IGF1R: variants seen among roughly 807,000 people sequenced by gnomAD.
The protein encoded by IGF1R is insulin like growth factor 1 receptor.
A neutral mutation model predicts 144.6 loss-of-function variants in IGF1R; 44 were observed. That is an observed-to-expected ratio of 0.30 (90% CI 0.24 to 0.39). IGF1R has a LOEUF of 0.39. IGF1R is among the 10% of genes least tolerant of loss of function. IGF1R has a pLI of 1.00. For missense variants in IGF1R, 1,355 were observed against 1,833.7 expected (o/e 0.74, Z 4.77); for synonymous variants, 795 against 722.8 (o/e 1.10, Z -1.60).
intron 2 of IGF1R, among the ~76,000 whole-genome samples, chr15:98,816,477 A>G (rs1386733550): frequency 6.6e-6 from 1 of 152,082 alleles, no homozygotes; most frequent in Non-Finnish European, 1.5e-5. Flanking sequence ...ATCACTCCCC[A>G]TCGGCCCACC....
intron 2 of IGF1R, among the ~76,000 whole-genome samples, chr15:98,746,113 G>C (rs1201502674): frequency 6.6e-6 from 1 of 152,172 alleles, no homozygotes; most frequent in African/African-American, 2.4e-5. Flanking sequence ...GGCAAGGCAG[G>C]CTTCTTTTTT....
chr15:98,750,032 T>C (rs2054969818), intron 2 of IGF1R, among the ~76,000 whole-genome samples: 2 of 152,218 alleles, frequency 1.3e-5, no homozygotes, highest in Admixed American at 1.3e-4. Context: ...CTCTAAGGGA[T>C]ATGAAGCTGT....
chr15:98,922,511 T>C (rs1291652959), intron 11 of IGF1R, 80 bp downstream of exon 11: 2 of 1,532,724 alleles, frequency 1.3e-6, no homozygotes, highest in Non-Finnish European at 8.9e-7. Flanking sequence ...ACACAGGGTC[T>C]GACACCCAGG....
intron 2 of IGF1R, among the ~76,000 whole-genome samples, chr15:98,786,399 A>T (rs1183782049): frequency 6.6e-6 from 1 of 152,132 alleles, no homozygotes; most frequent in African/African-American, 2.4e-5. Flanking sequence ...TATTAAACAA[A>T]GAAGAAAACA....
intron 2 of IGF1R, among the ~76,000 whole-genome samples, chr15:98,736,142 G>T (rs966662488): frequency 1.3e-5 from 2 of 152,212 alleles, no homozygotes; most frequent in African/African-American, 4.8e-5. Context: ...GAGTGGCGAT[G>T]ATGGGAGATG....
intron 1 of IGF1R, among the ~76,000 whole-genome samples, chr15:98,670,350 A>G (rs558874860): frequency 1.3e-5 from 2 of 152,266 alleles, no homozygotes; most frequent in East Asian, 3.9e-4. Context: ...TGGTCTTGGC[A>G]TCAGAACTTT....
chr15:98,777,397 G>A (rs888577747), intron 2 of IGF1R, among the ~76,000 whole-genome samples: 1 of 152,236 alleles, frequency 6.6e-6, no homozygotes, highest in Non-Finnish European at 1.5e-5. Context: ...TCAGTTCCAG[G>A]GTTTGGGAGT....
At chr15:98,858,431 A>G (rs969105076) in intron 2 of IGF1R, among the ~76,000 whole-genome samples, 1 of 152,248 alleles carries the variant, frequency 6.6e-6, no homozygotes, top group Non-Finnish European at 1.5e-5. Context: ...GAAACATTGA[A>G]ATATAAAAAC....
intron 2 of IGF1R, among the ~76,000 whole-genome samples, chr15:98,718,725 A>G (rs2054178803): frequency 6.6e-6 from 1 of 152,220 alleles, no homozygotes; most frequent in African/African-American, 2.4e-5. Flanking sequence ...GCTTAGTAGT[A>G]AAAAGGGGGA....
intron 20 of IGF1R, among the ~76,000 whole-genome samples, chr15:98,953,283 G>C (rs918971123): frequency 6.6e-6 from 1 of 152,180 alleles, no homozygotes; most frequent in Admixed American, 6.5e-5. Flanking sequence ...GAAGGACTCC[G>C]TGGTCCCCAA....
At chr15:98,651,060 T>C (rs2052351812) in intron 1 of IGF1R, 1 of 985,382 alleles carries the variant, frequency 1.0e-6, no homozygotes, top group African/African-American at 1.7e-5. Flanking sequence ...GAACTGGGAC[T>C]GGGAACGGTG....
intron 11 of IGF1R, among the ~76,000 whole-genome samples, chr15:98,923,175 G>A (rs1262513535): frequency 6.6e-6 from 1 of 152,236 alleles, no homozygotes; most frequent in East Asian, 1.9e-4. Context: ...TTTTCCGGCT[G>A]TAACTTTCCA....
chr15:98,895,221 ACCACACACACACACACACAC>A (rs1225708870), intron 3 of IGF1R, among the ~76,000 whole-genome samples: 1 of 100,392 alleles, frequency 1.0e-5, no homozygotes, highest in Non-Finnish European at 1.9e-5. Context: ...GTGACACAGC[ACCACACACACACACACACAC>A]ACACACACAC....
intron 2 of IGF1R, among the ~76,000 whole-genome samples, chr15:98,878,685 AAAAAAAAAAACAAC>A (rs1567174349): frequency 1.6e-5 from 2 of 128,734 alleles, no homozygotes; most frequent in African/African-American, 7.0e-5. Context: ...AAAAAAAAAA[AAAAAAAAAAACAAC>A]AACAAAAAAA....
rs556406397 is a variant in IGF1R, at chr15:98,666,290, CT to C, written c.94+16627del. On this transcript the variant is annotated intron_variant, in intron 1 of 20. Transcript: ENST00000650285. ...GGTGAGACTGTTAAAATGGCACAGC[CT>C]TTTTTTTTTTTAACAGGAAGATGAT... Among the ~76,000 whole-genome samples the C allele has an allele frequency of 8.8e-3, 1,270 of 144,302 alleles. 9 individuals carry two copies. The highest frequency in any genetic ancestry group is 0.012 in the Non-Finnish European group (766 of 65,166). 94.7% of individuals were successfully genotyped at this position (144,302 alleles called of 152,430 possible). A position where few individuals can be genotyped will look rare whatever the true frequency, so the allele number is the denominator to read the frequency against.
At position 98,891,455 on chromosome 15, in the gene IGF1R, C is replaced by T. The variant is rs541600015; in HGVS notation, c.771C>T (p.Ala257=). Residue 257 remains alanine, a synonymous_variant, in exon 3 of 21, where the codon GCC becomes GCT. Coordinates refer to ENST00000650285, the MANE Select transcript of IGF1R (RefSeq NM_000875.5). This position sits in a 1 kb window ranked among gnomAD's most constrained non-coding sequence, Gnocchi z 4.7. ...ACVACRHYYY[A]GVCVPACPPN... The stretch of plus-strand genomic sequence containing the variant: ...TAGCTTGCCGCCACTACTACTATGC[C>T]GGTGTCTGTGTGCCTGCCTGCCCGC... 5.6e-6 allele frequency: 9 copies of T among 1,614,106 alleles called. No homozygotes were observed. In the East Asian group the frequency reaches 8.9e-5, roughly 16 times the overall value.
At chr15:98,850,805 G>A (rs1265935098) in intron 2 of IGF1R, among the ~76,000 whole-genome samples, 1 of 152,088 alleles carries the variant, frequency 6.6e-6, no homozygotes, top group African/African-American at 2.4e-5. Flanking sequence ...TTGACTTGGG[G>A]GCAGCAGAAG....
At position 98,918,213 on chromosome 15, in the gene IGF1R, A is replaced by AG. The variant is rs1255904134; in HGVS notation, c.2201+1337_2201+1338insG. Among the ~76,000 whole-genome samples the AG allele has an allele frequency of 3.9e-5, 6 of 152,104 alleles. No homozygotes were observed. The East Asian group carries it at 1.2e-3, about 30-fold the overall frequency. On this transcript the variant is annotated intron_variant, in intron 10 of 20. Transcript: ENST00000650285. ...AACTAGGCCAAGGAGTTGGATTTAA[A>AG]TCAGCATGGCACCCATGAGCTGCCC...
chr15:98,934,165 A>G (rs2016052627), intron 15 of IGF1R, among the ~76,000 whole-genome samples: 1 of 151,446 alleles, frequency 6.6e-6, no homozygotes, highest in Admixed American at 6.6e-5. Context: ...GCATGTCTCA[A>G]ATTGGACTGG....
Sources: allele counts gnomAD v4.1 joint callset (sites outside exome capture counted in the v4.1 genomes callset), GRCh38; gene constraint gnomAD v4.1.1; non-coding constraint Gnocchi (gnomAD v3.1); transcripts MANE v1.5; gene names NCBI Gene and HGNC (gene_info 2026-07-23, HGNC 2026-07-21).